Variants in KCNJ1 observed in about 807,000 individuals in gnomAD.
KCNJ1 encodes the protein ATP-sensitive inward rectifier potassium channel 1.
In KCNJ1, 24 loss-of-function variants were observed where a neutral mutation model predicts 21.9. The ratio of observed to expected loss-of-function variants is 1.10; its 90% confidence interval spans 0.79 to 1.54. KCNJ1 has a LOEUF of 1.54. Among genes scored for constraint, KCNJ1 ranks in the 40% most tolerant of loss-of-function variants. The pLI is 0.00. For synonymous variants in KCNJ1, 152 were observed against 160.9 expected (o/e 0.94, Z 0.42); for missense variants, 457 against 455.4 (o/e 1.00, Z -0.03).
chr11:128,857,625 A>AT (rs1014416113), intron 1 of KCNJ1, among the ~76,000 whole-genome samples: 22 of 152,242 alleles, frequency 1.4e-4, no homozygotes, highest in African/African-American at 4.3e-4. Context: ...GAGAGAAGCT[A>AT]TTTTTTTCTC....
Position 128,857,235 on chromosome 11 carries a change from G to A in KCNJ1, c.-191-6345C>T, listed in dbSNP as rs559888914. On this transcript the variant is annotated intron_variant, in intron 1 of 2. Transcript: ENST00000392666. ...ACCTAGCTCCATCACCACCTTCTTC[G>A]AGAGCCTTTTAGCATCCAATCTAAG... is the stretch of plus-strand genomic sequence containing the variant. Among the ~76,000 whole-genome samples, 127 of 152,228 alleles carry A rather than the reference G, an allele frequency of 8.3e-4. 2 individuals carry two copies. Among genetic ancestry groups the A allele is most frequent in the African/African-American group, 2.8e-3 (118 of 41,560 alleles).
chr11:128,838,844 C>T lies in KCNJ1; in HGVS notation c.*281G>A. On this transcript the variant is annotated 3_prime_UTR_variant, in exon 3 of 3. Transcript: ENST00000392666. ...TTTGATAATTTTATCTGCTCCAATC[C>T]ACCTTATATGAGCTCAAATAATCAT... is the stretch of plus-strand genomic sequence containing the variant. 2.4e-6 allele frequency: 1 copy of T among 418,494 alleles called. No individual in the cohort carries two copies. Among genetic ancestry groups the T allele is most frequent in the Non-Finnish European group, 4.3e-6 (1 of 232,966 alleles). 25.9% of individuals were successfully genotyped at this position (418,494 alleles called of 1,614,324 possible).
rs749366436 is a variant in KCNJ1 at position 128,839,796 on chromosome 11, T to C, written c.448A>G (p.Ile150Val). ...GCCCCACACATGAAAGAATTGATTA[T>C]AACTCCAAGTATAGACTGAAAGATA... ...LLIFQSILGV[I>V]INSFMCGAIL... Residue 150 changes from isoleucine (I) to valine (V), a missense_variant, in exon 3 of 3, where the codon ATA (isoleucine) becomes GTA (valine). Transcript: ENST00000392666. The C allele has an allele frequency of 3.7e-6, 6 of 1,614,100 alleles. No homozygotes were observed. The highest frequency in any genetic ancestry group is 1.1e-5 in the South Asian group (1 of 91,078).
Position 128,850,853 on chromosome 11 carries a change from G to A in KCNJ1, c.-154C>T. ...GAACTTGTCACACTGTCTTTGTCAG[G>A]GCCCAGGATGGGGATGAAGGCACAG... On this transcript the variant is annotated 5_prime_UTR_variant, in exon 2 of 3. Coordinates refer to ENST00000392666, the MANE Select transcript of KCNJ1 (RefSeq NM_153766.3). 1 of 985,496 alleles carries A rather than the reference G, an allele frequency of 1.0e-6. No homozygotes were observed. Among genetic ancestry groups the A allele is most frequent in the South Asian group, 4.7e-5 (1 of 21,284 alleles). 61.0% of individuals were successfully genotyped at this position (985,496 alleles called of 1,614,324 possible). A position where few individuals can be genotyped will look rare whatever the true frequency, so the allele number is the denominator to read the frequency against.
At chr11:128,845,949 A>G (rs996140265) in intron 2 of KCNJ1, among the ~76,000 whole-genome samples, 1 of 152,208 alleles carries the variant, frequency 6.6e-6, no homozygotes, top group Non-Finnish European at 1.5e-5. Context: ...GGGCTGAAGC[A>G]TCACAAGGTC....
At chr11:128,861,291 C>T (rs1201467516) in intron 1 of KCNJ1, among the ~76,000 whole-genome samples, 1 of 152,218 alleles carries the variant, frequency 6.6e-6, no homozygotes, top group Non-Finnish European at 1.5e-5. Context: ...AGCAGGGCTG[C>T]AGCATTCACT....
At chr11:128,849,928 G>A (rs891380481) in intron 2 of KCNJ1, among the ~76,000 whole-genome samples, 2 of 152,160 alleles carry the variant, frequency 1.3e-5, no homozygotes, top group African/African-American at 4.8e-5. Context: ...TGGTGGATAA[G>A]GCAAACCTGC....
intron 1 of KCNJ1, among the ~76,000 whole-genome samples, chr11:128,853,817 A>G (rs180896184): frequency 3.3e-5 from 5 of 152,342 alleles, no homozygotes; most frequent in Admixed American, 3.3e-4. Context: ...CTTCTCTAGC[A>G]AGTGGTTACT....
At chr11:128,846,371 A>G (rs2135946449) in intron 2 of KCNJ1, among the ~76,000 whole-genome samples, 1 of 152,354 alleles carries the variant, frequency 6.6e-6, no homozygotes, top group East Asian at 1.9e-4. Context: ...AATTATTATA[A>G]CTGGTTCCCA....
chr11:128,858,651 A>G (rs1488649715), intron 1 of KCNJ1, among the ~76,000 whole-genome samples: 1 of 152,084 alleles, frequency 6.6e-6, no homozygotes, highest in Non-Finnish European at 1.5e-5. Flanking sequence ...AACAGATCTC[A>G]CTGTGTTCCA....
intron 1 of KCNJ1, among the ~76,000 whole-genome samples, chr11:128,865,321 G>A (rs1284606822): frequency 6.6e-6 from 1 of 152,108 alleles, no homozygotes; most frequent in Non-Finnish European, 1.5e-5. Flanking sequence ...ATTAGCGTGT[G>A]AGAGCCTGTT....
chr11:128,854,531 T>C (rs1204770941), intron 1 of KCNJ1, among the ~76,000 whole-genome samples: 2 of 152,018 alleles, frequency 1.3e-5, no homozygotes, highest in African/African-American at 4.8e-5. Context: ...GAGAGAGGGA[T>C]GGAACGTGAC....
intron 1 of KCNJ1, among the ~76,000 whole-genome samples, chr11:128,863,597 C>T (rs1431319869): frequency 1.3e-5 from 2 of 152,158 alleles, no homozygotes; most frequent in East Asian, 1.9e-4. Context: ...CTTTGAGTTG[C>T]ATATTTCTGC....
At chr11:128,849,601 A>G (rs572784902) in intron 2 of KCNJ1, among the ~76,000 whole-genome samples, 54 of 152,348 alleles carry the variant, frequency 3.5e-4, no homozygotes, top group African/African-American at 1.3e-3. Context: ...CCCTGATGTC[A>G]TGAGAGGGGC....
intron 2 of KCNJ1, among the ~76,000 whole-genome samples, chr11:128,845,325 G>T (rs920305098): frequency 1.3e-5 from 2 of 152,246 alleles, no homozygotes; most frequent in Non-Finnish European, 2.9e-5. Context: ...TTGAGGACAC[G>T]ATGTTAAGGC....
intron 2 of KCNJ1, among the ~76,000 whole-genome samples, chr11:128,848,748 A>C (rs1943428403): frequency 6.6e-6 from 1 of 152,130 alleles, no homozygotes; most frequent in African/African-American, 2.4e-5. Flanking sequence ...GAGATTTTCT[A>C]AGAATTTTTC....
At chr11:128,865,430 T>A (rs146088263) in intron 1 of KCNJ1, among the ~76,000 whole-genome samples, 239 of 152,030 alleles carry the variant, frequency 1.6e-3, no homozygotes, top group African/African-American at 5.6e-3. Flanking sequence ...CAAAACACAA[T>A]GAGTTCTAAT....
intron 2 of KCNJ1, chr11:128,842,357 G>C (rs1468857103): frequency 1.9e-6 from 3 of 1,613,330 alleles, no homozygotes; most frequent in Non-Finnish European, 2.5e-6. Flanking sequence ...TTTCCAGAGA[G>C]GTGATTTCCC....
At chr11:128,863,028 T>C (rs1402631497) in intron 1 of KCNJ1, among the ~76,000 whole-genome samples, 1 of 152,228 alleles carries the variant, frequency 6.6e-6, no homozygotes, top group African/African-American at 2.4e-5. Flanking sequence ...ATGGTAGATC[T>C]GGATAAAGCC....
Sources: allele counts gnomAD v4.1 joint callset (sites outside exome capture counted in the v4.1 genomes callset), GRCh38; gene constraint gnomAD v4.1.1; transcripts MANE v1.5; gene names NCBI Gene and HGNC (gene_info 2026-07-23, HGNC 2026-07-21).